CTDSPL2: variants seen among roughly 807,000 people sequenced by gnomAD.
CTDSPL2 encodes CTD small phosphatase like 2, also known as CTD small phosphatase-like protein 2.
In CTDSPL2, 5 loss-of-function variants were observed where a neutral mutation model predicts 60.0. The observed-to-expected ratio is 0.08, with a 90% CI of 0.04 to 0.18. CTDSPL2 has a LOEUF of 0.18. CTDSPL2 is among the 10% of genes least tolerant of loss of function. The pLI is 1.00. For missense variants in CTDSPL2, 370 were observed against 548.8 expected, an observed-to-expected ratio of 0.67 and a Z score of 3.26; for synonymous variants, 186 against 189.3, an observed-to-expected ratio of 0.98 and a Z score of 0.14.
chr15:44,469,925 G>T (rs1366677732), intron 2 of CTDSPL2, among the ~76,000 whole-genome samples: 1 of 151,912 alleles, frequency 6.6e-6, no homozygotes, highest in Non-Finnish European at 1.5e-5. Context: ...GTGAAACCCT[G>T]TCTCTACTGA....
chr15:44,504,694 G>C (rs1434813654), intron 8 of CTDSPL2, among the ~76,000 whole-genome samples: 2 of 148,938 alleles, frequency 1.3e-5, no homozygotes, highest in Non-Finnish European at 3.0e-5. Context: ...GATAGTGTGA[G>C]ATCCTGTCCC....
chr15:44,494,918 CACAA>C (rs999666906), intron 5 of CTDSPL2, among the ~76,000 whole-genome samples: 9 of 151,822 alleles, frequency 5.9e-5, no homozygotes, highest in South Asian at 2.1e-4. Context: ...TCCGCCTCAA[CACAA>C]ACAAACAAAG....
intron 8 of CTDSPL2, among the ~76,000 whole-genome samples, chr15:44,507,194 C>T (rs1355051372): frequency 1.3e-5 from 2 of 152,096 alleles, no homozygotes; most frequent in Admixed American, 1.3e-4. Context: ...AAGCGATTCT[C>T]CTGCCTCAGC....
intron 2 of CTDSPL2, among the ~76,000 whole-genome samples, chr15:44,468,061 A>G (rs1039684240): frequency 6.6e-6 from 1 of 152,174 alleles, no homozygotes; most frequent in Admixed American, 6.5e-5. Context: ...AGCTGGTGCC[A>G]TAAAACAAGT....
intron 8 of CTDSPL2, among the ~76,000 whole-genome samples, chr15:44,506,411 ACT>A (rs2081465512): frequency 8.3e-6 from 1 of 120,144 alleles, no homozygotes; most frequent in African/African-American, 3.5e-5. Context: ...TCCTACTTTG[ACT>A]TTTTTTTTTT....
chr15:44,509,628 A>T (rs1013943816), intron 8 of CTDSPL2, among the ~76,000 whole-genome samples: 10 of 151,976 alleles, frequency 6.6e-5, no homozygotes, highest in Non-Finnish European at 8.8e-5. Flanking sequence ...CATATCAAGT[A>T]GTAGTAGTGT....
rs117789289 is a variant in CTDSPL2, at chr15:44,492,458, T to C, written c.691+1459T>C. 8.9e-4 allele frequency among the ~76,000 whole-genome samples: 136 copies of C among 152,334 alleles called. 2 individuals carry two copies. The East Asian group carries it at 0.024, about 27-fold the overall frequency. On this transcript the variant is annotated intron_variant, in intron 5 of 12. Coordinates refer to ENST00000260327, the MANE Select transcript of CTDSPL2 (RefSeq NM_016396.3). ...ACTTTACAATGGGTTTATCAGGGTGTTAAATGCATTTTGACCTATGATATT... is the reference window on the plus strand; with the variant it reads ...ACTTTACAATGGGTTTATCAGGGTGCTAAATGCATTTTGACCTATGATATT...
Position 44,459,178 on chromosome 15 carries a change from T to G in CTDSPL2, c.164T>G (p.Phe55Cys). Reference sequence around the variant, plus strand: ...GGCTTGTTGTCTTCAATTAAAAAATTTATTAAAGGAAGCACACCTAAGGTA... The same window carrying G: ...GGCTTGTTGTCTTCAATTAAAAAATGTATTAAAGGAAGCACACCTAAGGTA... ...ETGLLSSIKK[F>C]IKGSTPKEER... Residue 55 changes from phenylalanine to cysteine, a missense_variant, in exon 2 of 13, where the codon TTT becomes TGT. Phe to Cys is a radical substitution (Grantham distance 205). Transcript: ENST00000260327. 1 of 1,605,974 alleles carries G rather than the reference T, an allele frequency of 6.2e-7. No individual in the cohort carries two copies. The highest frequency in any genetic ancestry group is 8.5e-7 in the Non-Finnish European group (1 of 1,176,984).
At chr15:44,511,677 T>C (rs1461437676) in intron 8 of CTDSPL2, among the ~76,000 whole-genome samples, 1 of 151,912 alleles carries the variant, frequency 6.6e-6, no homozygotes, top group African/African-American at 2.4e-5. Context: ...GAGACCAGCC[T>C]GGTCAACACG....
chr15:44,493,915 G>GA (rs1377874810), intron 5 of CTDSPL2, among the ~76,000 whole-genome samples: 1 of 151,822 alleles, frequency 6.6e-6, no homozygotes, highest in East Asian at 1.9e-4. Flanking sequence ...TGTCAGAGAT[G>GA]AAAAAAAATT....
At chr15:44,459,506 C>T (rs558257720) in intron 2 of CTDSPL2, among the ~76,000 whole-genome samples, 41 of 152,130 alleles carry the variant, frequency 2.7e-4, no homozygotes, top group African/African-American at 8.7e-4. Flanking sequence ...CCAACCTGGG[C>T]GACAGCGGGA....
intron 8 of CTDSPL2, among the ~76,000 whole-genome samples, chr15:44,513,653 G>T (rs2081603855): frequency 6.6e-6 from 1 of 152,134 alleles, no homozygotes; most frequent in Non-Finnish European, 1.5e-5. Context: ...TGTTTGGTTT[G>T]TTTTTAATCT....
chr15:44,449,853 T>C (rs1231144471), intron 1 of CTDSPL2, among the ~76,000 whole-genome samples: 1 of 152,050 alleles, frequency 6.6e-6, no homozygotes, highest in Admixed American at 6.5e-5. Flanking sequence ...TTGCCAGGCA[T>C]GGTGGTACAT....
chr15:44,490,751 A>T (rs1185529372), intron 4 of CTDSPL2, 33 bp from the exon 5 acceptor site: 1 of 1,549,138 alleles, frequency 6.5e-7, no homozygotes, highest in Admixed American at 1.7e-5. Context: ...GTGCATTTTT[A>T]AATGATGATA....
chr15:44,457,602 G>C (rs1030990004), intron 1 of CTDSPL2, among the ~76,000 whole-genome samples: 11 of 151,900 alleles, frequency 7.2e-5, no homozygotes, highest in Admixed American at 2.0e-4. Context: ...TTTTGGTTGG[G>C]GGGGGTGGTG....
intron 6 of CTDSPL2, among the ~76,000 whole-genome samples, chr15:44,496,731 C>T (rs911728743): frequency 6.6e-6 from 1 of 152,110 alleles, no homozygotes; most frequent in Non-Finnish European, 1.5e-5. Flanking sequence ...CACGGTGGCA[C>T]ATGCCTGTAG....
rs183192296 is a variant in CTDSPL2 at position 44,499,258 on chromosome 15, A to T, written c.883-469A>T. 2.7e-4 allele frequency among the ~76,000 whole-genome samples: 41 copies of T among 152,270 alleles called. No homozygotes were observed. The East Asian group carries it at 7.3e-3, about 27-fold the overall frequency. On this transcript the variant is annotated intron_variant, in intron 7 of 12. Transcript: ENST00000260327. Reference sequence around the variant, plus strand: ...TGTCTCTACTAAAAATACAAAAATTAGCCAGACGTGATTGCTGGCGCCTGT... The same window carrying T: ...TGTCTCTACTAAAAATACAAAAATTTGCCAGACGTGATTGCTGGCGCCTGT...
intron 2 of CTDSPL2, among the ~76,000 whole-genome samples, chr15:44,463,316 A>T (rs2080614072): frequency 6.6e-6 from 1 of 150,426 alleles, no homozygotes; most frequent in Admixed American, 6.6e-5. Context: ...TGATTTTTGT[A>T]TTTTTAGTAG....
intron 1 of CTDSPL2, among the ~76,000 whole-genome samples, chr15:44,431,534 T>A (rs912771229): frequency 6.6e-6 from 1 of 152,194 alleles, no homozygotes; most frequent in Non-Finnish European, 1.5e-5. Context: ...AGTGTTTTTC[T>A]AAATGTCCTG....
Sources: gnomAD v4.1 joint callset for allele counts (sites outside exome capture counted in the v4.1 genomes callset) on GRCh38, gnomAD v4.1.1 for gene constraint, MANE v1.5 for transcripts, NCBI Gene and HGNC (gene_info 2026-07-23, HGNC 2026-07-21) for gene names.